The following RDX variants were observed in gnomAD, a reference collection of about 807,000 sequenced individuals.
RDX encodes the protein deafness, autosomal recessive 24.
RDX carries 32 observed loss-of-function variants against 83.7 expected under a neutral mutation model. The observed-to-expected ratio is 0.38, with a 90% CI of 0.29 to 0.51. The LOEUF is 0.51. RDX is among the 20% of genes least tolerant of loss of function. The pLI is 0.87. For missense variants in RDX, 600 were observed against 689.9 expected, an observed-to-expected ratio of 0.87 and a Z score of 1.46; for synonymous variants, 229 against 222.7, an observed-to-expected ratio of 1.03 and a Z score of -0.25.
intron 9 of RDX, among the ~76,000 whole-genome samples, chr11:110,250,240 C>T (rs1027154879): frequency 6.6e-6 from 1 of 152,178 alleles, no homozygotes; most frequent in African/African-American, 2.4e-5. Flanking sequence ...TGAAACATCA[C>T]GCTTTGTGTG....
chr11:110,255,375 T>C lies in RDX; in HGVS notation c.709A>G (p.Lys237Glu). ...ATTTCACTCCAGGGAAAACCAATTT[T>C]AGGTGTTAACCTTAAAAAATGAAAG... ...IYEHDDKLTPKIGFPWSEIRN... is the reference protein window; with the variant it reads ...IYEHDDKLTPEIGFPWSEIRN... The change falls in exon 8 of 14, where the codon AAA becomes GAA. Residue 237 changes from lysine to glutamate, a missense_variant. Transcript: ENST00000645495. The C allele has an allele frequency of 1.3e-6, 2 of 1,537,054 alleles. No individual in the cohort carries two copies. The highest frequency in any genetic ancestry group is 1.8e-6 in the Non-Finnish European group (2 of 1,110,506).
chr11:110,279,747 T>A lies in RDX; in HGVS notation c.-55A>T. On this transcript the variant is annotated 5_prime_UTR_variant, in exon 2 of 14. Transcript: ENST00000645495. ...AAATTCTCCACTTCAATGAATTCTG[T>A]TATCACTTTCTGTTAAAAAAAAAAA... 8.7e-7 allele frequency: 1 copy of A among 1,149,460 alleles called. No individual in the cohort carries two copies. Among genetic ancestry groups the A allele is most frequent in the Non-Finnish European group, 1.3e-6 (1 of 773,782 alleles). 71.2% of individuals were successfully genotyped at this position (1,149,460 alleles called of 1,614,324 possible). A position where few individuals can be genotyped will look rare whatever the true frequency, so the allele number is the denominator to read the frequency against.
intron 9 of RDX, among the ~76,000 whole-genome samples, chr11:110,252,046 C>G (rs1257006656): frequency 6.6e-6 from 1 of 152,182 alleles, no homozygotes. Context: ...TTCTCTCTCT[C>G]TGACCTGTAA....
intron 14 of RDX, among the ~76,000 whole-genome samples, chr11:110,217,024 G>A (rs1443771185): frequency 6.6e-6 from 1 of 152,182 alleles, no homozygotes; most frequent in African/African-American, 2.4e-5. Context: ...GGAGACTCCT[G>A]ACGAGACACA....
chr11:110,270,042 T>TA (rs1320050335), intron 3 of RDX, among the ~76,000 whole-genome samples: 1 of 151,718 alleles, frequency 6.6e-6, no homozygotes, highest in South Asian at 2.1e-4. Flanking sequence ...AGAGCCAATC[T>TA]AAAAAAAAAT....
At chr11:110,206,754 A>G (rs1863620021) in intron 14 of RDX, among the ~76,000 whole-genome samples, 1 of 152,326 alleles carries the variant, frequency 6.6e-6, no homozygotes, top group Non-Finnish European at 1.5e-5. Flanking sequence ...GAAGTTATGA[A>G]TTTTGTTCCA....
At chr11:110,239,766 T>G (rs1865006273) in intron 10 of RDX, among the ~76,000 whole-genome samples, 3 of 151,218 alleles carry the variant, frequency 2.0e-5, no homozygotes, top group African/African-American at 7.3e-5. Context: ...CCCAGTTACT[T>G]GGGTGGCAGA....
rs550710327 is a variant in RDX, at chr11:110,229,913, A to G, written c.*1956T>C. ...TGAACATTTATGTCTCAAAACATGA[A>G]TAGTAGGGTCCACCATCCATTCCTT... On this transcript the variant is annotated 3_prime_UTR_variant, in exon 14 of 14. Transcript: ENST00000645495. 3.9e-5 allele frequency: 6 copies of G among 152,674 alleles called. No homozygotes were observed. Among genetic ancestry groups the G allele is most frequent in the African/African-American group, 9.6e-5 (4 of 41,580 alleles). 9.5% of individuals were successfully genotyped at this position (152,674 alleles called of 1,614,324 possible).
At chr11:110,254,583 CTCA>C (rs1227482630) in intron 8 of RDX, among the ~76,000 whole-genome samples, 3 of 151,746 alleles carry the variant, frequency 2.0e-5, no homozygotes, top group African/African-American at 7.3e-5. Context: ...TCAAGAAATT[CTCA>C]TGTCTCAGCC....
intron 2 of RDX, among the ~76,000 whole-genome samples, chr11:110,277,423 G>A (rs969180181): frequency 2.0e-5 from 3 of 152,130 alleles, no homozygotes; most frequent in Middle Eastern, 3.4e-3. Context: ...GGATTCAAGC[G>A]ATTCTCCTGC....
At chr11:110,288,668 A>G (rs978724996) in intron 1 of RDX, among the ~76,000 whole-genome samples, 4 of 152,350 alleles carry the variant, frequency 2.6e-5, no homozygotes, top group Non-Finnish European at 5.9e-5. Context: ...CAACGAGGCT[A>G]TATGGCAGTT....
At chr11:110,197,858 G>A (rs189532390) in intron 15 of RDX, among the ~76,000 whole-genome samples, 292 of 152,282 alleles carry the variant, frequency 1.9e-3, no homozygotes, top group African/African-American at 6.8e-3. Context: ...AGCTAGACCC[G>A]TTTCAAAGAG....
In RDX at chr11:110,209,078, G is replaced by A. The variant is rs200487080; in HGVS notation, c.1749-9400C>T. On this transcript the variant is annotated intron_variant, in intron 14 of 15. Transcript: ENST00000528498. The stretch of plus-strand genomic sequence containing the variant: ...TTTCTGCATTTCCATCTGAGGTACC[G>A]GGTTCATCTCACTAGGGAGTGCCAG... Among the ~76,000 whole-genome samples, 6 of 152,190 alleles carry A rather than the reference G, an allele frequency of 3.9e-5. No homozygotes were observed. In the East Asian group the frequency reaches 9.6e-4, roughly 24 times the overall value.
chr11:110,258,372 A>C (rs1859638458), intron 5 of RDX, among the ~76,000 whole-genome samples, 183 bp from the exon 6 acceptor site: 1 of 152,208 alleles, frequency 6.6e-6, no homozygotes, highest in African/African-American at 2.4e-5. Flanking sequence ...AAACTGATGT[A>C]ATCTGAATAA....
chr11:110,278,594 C>T (rs1272551455), intron 2 of RDX, among the ~76,000 whole-genome samples: 1 of 151,886 alleles, frequency 6.6e-6, no homozygotes, highest in Non-Finnish European at 1.5e-5. Flanking sequence ...TTGCATCTGG[C>T]AATCTTGCTA....
intron 1 of RDX, among the ~76,000 whole-genome samples, chr11:110,291,569 G>A (rs1452056186): frequency 6.6e-6 from 1 of 152,086 alleles, no homozygotes; most frequent in African/African-American, 2.4e-5. Flanking sequence ...TGGATGGGAT[G>A]CAGCAGCCAA....
intron 15 of RDX, among the ~76,000 whole-genome samples, chr11:110,180,612 C>G (rs1862867357): frequency 6.6e-6 from 1 of 151,696 alleles, no homozygotes. Flanking sequence ...CATCAGCCTT[C>G]TTGCAGTTTC....
intron 1 of RDX, among the ~76,000 whole-genome samples, chr11:110,291,146 G>A (rs1432653551): frequency 6.6e-6 from 1 of 152,172 alleles, no homozygotes; most frequent in African/African-American, 2.4e-5. Context: ...GGGCAACATA[G>A]TGAAACTGTA....
chr11:110,258,310 T>C, intron 5 of RDX, 121 bp from the exon 6 acceptor site: 2 of 667,114 alleles, frequency 3.0e-6, no homozygotes, highest in South Asian at 1.9e-5. Context: ...TTAATACACA[T>C]GATGAAATTG....
Sources: allele counts gnomAD v4.1 joint callset (sites outside exome capture counted in the v4.1 genomes callset), GRCh38; gene constraint gnomAD v4.1.1; transcripts MANE v1.5; gene names NCBI Gene and HGNC (gene_info 2026-07-23, HGNC 2026-07-21).